Variants in SDK2 observed in about 807,000 individuals in gnomAD.
SDK2 encodes protein sidekick-2.
A neutral mutation model predicts 253.9 loss-of-function variants in SDK2; 105 were observed. That is an observed-to-expected ratio of 0.41 (90% CI 0.35 to 0.49). The LOEUF (loss-of-function observed/expected upper bound fraction) is 0.49. Ranked by LOEUF, SDK2 falls within the 20% of genes least tolerant of loss-of-function variation. The pLI is 0.06. For synonymous variants in SDK2, 1,249 were observed against 1,234.9 expected, an observed-to-expected ratio of 1.01 and a Z score of -0.24; for missense variants, 2,608 against 3,003.0, an observed-to-expected ratio of 0.87 and a Z score of 3.07.
intron 40 of SDK2, among the ~76,000 whole-genome samples, chr17:73,355,425 C>A (rs1458108503): frequency 1.3e-5 from 2 of 151,792 alleles, no homozygotes; most frequent in African/African-American, 2.4e-5. Context: ...TGGCTCACTG[C>A]AACCTCCGGC....
Position 73,361,083 on chromosome 17 carries a change from G to A in SDK2, c.5467+601C>T, listed in dbSNP as rs555287621. 2.9e-4 allele frequency among the ~76,000 whole-genome samples: 44 copies of A among 152,188 alleles called. No individual in the cohort carries two copies. Among genetic ancestry groups the A allele is most frequent in the African/African-American group, 9.9e-4 (41 of 41,514 alleles). Reference sequence around the variant, plus strand: ...GGTGAGGTGGGGGAGGCAGGGCCCTGGCTGTGAATAGGTGACCTGCTCCAT... The same window carrying A: ...GGTGAGGTGGGGGAGGCAGGGCCCTAGCTGTGAATAGGTGACCTGCTCCAT... On this transcript the variant is annotated intron_variant, in intron 39 of 44. Coordinates refer to ENST00000392650, the MANE Select transcript of SDK2 (RefSeq NM_001144952.2). The surrounding 1 kb of genome is among the most constrained non-coding windows in gnomAD (Gnocchi z 4.1).
At chr17:73,640,101 T>C (rs1190922135) in intron 1 of SDK2, among the ~76,000 whole-genome samples, 1 of 152,214 alleles carries the variant, frequency 6.6e-6, no homozygotes, top group Admixed American at 6.5e-5. Flanking sequence ...AGGCGCTGTT[T>C]AAACAGAGGA....
intron 1 of SDK2, among the ~76,000 whole-genome samples, chr17:73,530,905 C>CT (rs1360911079): frequency 3.3e-5 from 5 of 152,298 alleles, no homozygotes; most frequent in African/African-American, 1.2e-4. Context: ...GCATAAGACT[C>CT]TCCCTAATCA....
chr17:73,601,151 C>G (rs927316896), intron 1 of SDK2, among the ~76,000 whole-genome samples: 26 of 151,944 alleles, frequency 1.7e-4, no homozygotes, highest in Non-Finnish European at 2.5e-4. Flanking sequence ...TCCCGAGTAG[C>G]TGGGAATACA....
At chr17:73,339,773 T>C (rs569316109) in intron 44 of SDK2, among the ~76,000 whole-genome samples, 2 of 152,262 alleles carry the variant, frequency 1.3e-5, no homozygotes, top group East Asian at 1.9e-4. Flanking sequence ...CCCAGGCTGG[T>C]CTAGAACTCC....
At position 73,336,442 on chromosome 17, in the gene SDK2, C is replaced by T. The variant is rs758036927; in HGVS notation, c.*2145G>A. The stretch of plus-strand genomic sequence containing the variant: ...TTGGGGAAGATTGTGCTTCCCTTCC[C>T]AGGCCTCCTTATTGGAGAAACCGCT... On this transcript the variant is annotated 3_prime_UTR_variant, in exon 45 of 45. Transcript: ENST00000392650. The T allele has an allele frequency of 2.0e-5, 3 of 152,354 alleles. No individual in the cohort carries two copies. The highest frequency in any genetic ancestry group is 4.4e-5 in the Non-Finnish European group (3 of 68,074). 9.4% of individuals were successfully genotyped at this position (152,354 alleles called of 1,614,324 possible).
intron 1 of SDK2, among the ~76,000 whole-genome samples, chr17:73,623,077 C>T (rs1335336624): frequency 1.3e-5 from 2 of 152,214 alleles, no homozygotes; most frequent in South Asian, 2.1e-4. Flanking sequence ...TTCAAATGTC[C>T]CATCTTCCTT....
rs1361559416 is a variant in SDK2 at position 73,352,537 on chromosome 17, G to A, written c.5694C>T (p.Phe1898=). 1 of 1,614,038 alleles carries A rather than the reference G, an allele frequency of 6.2e-7. No individual in the cohort carries two copies. The highest frequency in any genetic ancestry group is 2.2e-5 in the East Asian group (1 of 44,888). ...CATAGTCGTTGACCGCGATGACCCG[G>A]AAGTCATAGCTCACGCCCGGCTTCA... is the stretch of plus-strand genomic sequence containing the variant. ...DILKPGVSYD[F]RVIAVNDYGF... is the part of the protein sequence containing the mutation. Residue 1898 remains phenylalanine (F), a synonymous_variant, in exon 41 of 45, where the codon TTC becomes TTT. Transcript: ENST00000392650. The surrounding 1 kb of genome is among the most constrained non-coding windows in gnomAD (Gnocchi z 4.1).
At position 73,509,967 on chromosome 17, in the gene SDK2, C is replaced by A. The variant is rs1051727830; in HGVS notation, c.65-2370G>T. On this transcript the variant is annotated intron_variant, in intron 1 of 44. Coordinates refer to ENST00000392650, the MANE Select transcript of SDK2 (RefSeq NM_001144952.2). Reference sequence around the variant, plus strand: ...TAAAAGAGAAATGGAACAAACCAACCGAAGAAGAGGAAGGGGCTAGGGAGG... The same window carrying A: ...TAAAAGAGAAATGGAACAAACCAACAGAAGAAGAGGAAGGGGCTAGGGAGG... Among the ~76,000 whole-genome samples the A allele has an allele frequency of 3.5e-5, 5 of 144,654 alleles. No homozygotes were observed. In the Admixed American group the frequency reaches 3.5e-4, roughly 10 times the overall value. The allele number at this position is 144,654 out of a possible 152,430, so 94.9% of individuals were successfully genotyped here.
chr17:73,433,287 TC>T (rs2063341873), intron 10 of SDK2, among the ~76,000 whole-genome samples: 1 of 142,852 alleles, frequency 7.0e-6, no homozygotes, highest in African/African-American at 2.6e-5. Flanking sequence ...TGAAGGATGC[TC>T]TTTTTTTTTT....
At chr17:73,583,208 C>T (rs1343706290) in intron 1 of SDK2, among the ~76,000 whole-genome samples, 1 of 152,232 alleles carries the variant, frequency 6.6e-6, no homozygotes, top group East Asian at 1.9e-4. Flanking sequence ...GAATGTCTGT[C>T]TCTCCCTGTA....
intron 1 of SDK2, among the ~76,000 whole-genome samples, chr17:73,532,898 G>A (rs920293747): frequency 6.6e-6 from 1 of 152,306 alleles, no homozygotes; most frequent in South Asian, 2.1e-4. Flanking sequence ...GCACAGCGCA[G>A]TTAACTCTAT....
intron 1 of SDK2, among the ~76,000 whole-genome samples, chr17:73,605,447 C>T (rs1034526642): frequency 2.6e-5 from 4 of 152,010 alleles, no homozygotes; most frequent in South Asian, 2.1e-4. Flanking sequence ...GCTGGAATCC[C>T]GGAGATTCTC....
rs185678514 is a variant in SDK2, at chr17:73,626,899, C to T, written c.64+17126G>A. Among the ~76,000 whole-genome samples the T allele has an allele frequency of 7.1e-3, 1,087 of 152,286 alleles. 7 individuals are homozygous for T. Among genetic ancestry groups the T allele is most frequent in the Middle Eastern group, 0.034 (10 of 294 alleles). ...GTGCTGAGGACAGAGGGGCAGTGTT[C>T]GGTCTCCTTGGGTAGCGTCTTCACC... On this transcript the variant is annotated intron_variant, in intron 1 of 44. Transcript: ENST00000392650.
chr17:73,557,871 C>T (rs8071109), intron 1 of SDK2, among the ~76,000 whole-genome samples: 36,448 of 152,116 alleles, frequency 0.24, 4,739 homozygotes, highest in East Asian at 0.5. Context: ...CCTGCAGCCT[C>T]TACCAGGTAG....
rs1222983982 is a variant in SDK2, at chr17:73,465,150, C to T, written c.331+6962G>A. ...ACCTCAGGCTGAAAATGAAGAGAAA[C>T]AGGCCTATGGGTGGCATTTTAGGAT... On this transcript the variant is annotated intron_variant, in intron 3 of 44. Transcript: ENST00000392650. This position sits in a 1 kb window ranked among gnomAD's most constrained non-coding sequence, Gnocchi z 4.2. Among the ~76,000 whole-genome samples, 1 of 152,212 alleles carries T rather than the reference C, an allele frequency of 6.6e-6. No homozygotes were observed. Among genetic ancestry groups the T allele is most frequent in the Non-Finnish European group, 1.5e-5 (1 of 68,044 alleles).
chr17:73,482,414 C>A (rs1006007286), intron 2 of SDK2, among the ~76,000 whole-genome samples: 8 of 152,172 alleles, frequency 5.3e-5, no homozygotes, highest in African/African-American at 1.7e-4. Flanking sequence ...TGCTGCTGGG[C>A]GGTTTGCTTC....
intron 18 of SDK2, among the ~76,000 whole-genome samples, chr17:73,408,734 AAGAG>A (rs999533945): frequency 3.9e-5 from 6 of 152,072 alleles, no homozygotes; most frequent in Non-Finnish European, 7.4e-5. Context: ...GGGAGAGAGA[AAGAG>A]AGAGAGAGAA....
At chr17:73,578,965 G>A (rs1404294385) in intron 1 of SDK2, among the ~76,000 whole-genome samples, 1 of 152,078 alleles carries the variant, frequency 6.6e-6, no homozygotes, top group Non-Finnish European at 1.5e-5. Flanking sequence ...CACCATCTCA[G>A]GCTTCCTCTC....
Sources: gnomAD v4.1 joint callset for allele counts (sites outside exome capture counted in the v4.1 genomes callset) on GRCh38, gnomAD v4.1.1 for gene constraint, Gnocchi (gnomAD v3.1) non-coding constraint, MANE v1.5 for transcripts, NCBI Gene and HGNC (gene_info 2026-07-23, HGNC 2026-07-21) for gene names.